Variants in PCDH15 observed in about 807,000 individuals in gnomAD.
PCDH15 encodes protocadherin-15.
In PCDH15, 129 loss-of-function variants were observed where a neutral mutation model predicts 178.5. The observed-to-expected ratio is 0.72, with a 90% CI of 0.63 to 0.84. The LOEUF is 0.84. PCDH15 is among the 40% of genes least tolerant of loss of function. The pLI, the probability that PCDH15 is intolerant of heterozygous loss-of-function variation, is 0.00. For missense variants in PCDH15, 2,230 were observed against 2,099.9 expected (o/e 1.06, Z -1.21); for synonymous variants, 800 against 732.0 (o/e 1.09, Z -1.50).
At chr10:55,563,591 C>A (rs1267568112) in intron 2 of PCDH15, among the ~76,000 whole-genome samples, 1 of 151,126 alleles carries the variant, frequency 6.6e-6, no homozygotes. Context: ...GAGGCACACA[C>A]AGGAACAAGA....
Position 54,220,130 on chromosome 10 carries a change from GA to G in PCDH15, c.986-6083del, listed in dbSNP as rs532138733. On this transcript the variant is annotated intron_variant, in intron 9 of 37. Coordinates refer to ENST00000644397, the MANE Select transcript of PCDH15 (RefSeq NM_001384140.1). ...AATGGAGCAGGGCTCCTGGAAGAAT[GA>G]ACCCAAAATGGTGAAGATAATTGAA... 3.2e-4 allele frequency among the ~76,000 whole-genome samples: 48 copies of G among 152,302 alleles called. 1 individual carries two copies. The South Asian group carries it at 8.7e-3, about 28-fold the overall frequency.
intron 1 of PCDH15, among the ~76,000 whole-genome samples, chr10:54,710,303 T>G (rs1328505908): frequency 6.6e-6 from 1 of 152,162 alleles, no homozygotes; most frequent in Admixed American, 6.6e-5. Context: ...TTACAAACAC[T>G]GAGAAATCAA....
At chr10:55,471,207 G>A (rs148941879) in intron 2 of PCDH15, among the ~76,000 whole-genome samples, 2 of 152,016 alleles carry the variant, frequency 1.3e-5, no homozygotes, top group Non-Finnish European at 2.9e-5. Context: ...TTCCCCTAAA[G>A]TTTCTTGACT....
intron 2 of PCDH15, among the ~76,000 whole-genome samples, chr10:54,911,510 G>A (rs1054058227): frequency 1.3e-5 from 2 of 152,124 alleles, no homozygotes; most frequent in African/African-American, 4.8e-5. Flanking sequence ...GATAAAAAGA[G>A]CACAGTACCT....
At chr10:54,625,642 C>G (rs2093524372) in intron 2 of PCDH15, among the ~76,000 whole-genome samples, 1 of 152,156 alleles carries the variant, frequency 6.6e-6, no homozygotes, top group Non-Finnish European at 1.5e-5. Flanking sequence ...TGAGGCTTCC[C>G]CAGCCACATG....
intron 4 of PCDH15, among the ~76,000 whole-genome samples, chr10:54,373,663 T>G (rs1210512326): frequency 6.6e-6 from 1 of 152,024 alleles, no homozygotes; most frequent in South Asian, 2.1e-4. Flanking sequence ...TTAGGATTAA[T>G]ATGACTTAGT....
intron 1 of PCDH15, among the ~76,000 whole-genome samples, chr10:54,758,541 T>C (rs1347742688): frequency 6.6e-6 from 1 of 152,226 alleles, no homozygotes; most frequent in Non-Finnish European, 1.5e-5. Context: ...AGCCTCTATA[T>C]ACACAATATG....
chr10:55,101,161 C>A (rs1248255461), intron 2 of PCDH15, among the ~76,000 whole-genome samples: 3 of 151,932 alleles, frequency 2.0e-5, no homozygotes, highest in Non-Finnish European at 4.4e-5. Flanking sequence ...AGCGGATCAC[C>A]TGAGGTCAGG....
intron 26 of PCDH15, among the ~76,000 whole-genome samples, chr10:53,889,636 A>T (rs959587243): frequency 2.0e-5 from 3 of 152,146 alleles, no homozygotes; most frequent in African/African-American, 7.2e-5. Context: ...AAACAGTTTG[A>T]TATTATCTAT....
intron 2 of PCDH15, among the ~76,000 whole-genome samples, chr10:55,098,662 G>A (rs1842500745): frequency 6.6e-6 from 1 of 152,038 alleles, no homozygotes; most frequent in Non-Finnish European, 1.5e-5. Context: ...TTAGGGTGGG[G>A]TGACCAGCCT....
chr10:53,920,773 A>AT (rs565322435), intron 25 of PCDH15, among the ~76,000 whole-genome samples: 181 of 152,090 alleles, frequency 1.2e-3, no homozygotes, highest in African/African-American at 3.8e-3. Flanking sequence ...TAAAGCATAC[A>AT]TTTTTTTTCC....
chr10:55,003,788 C>A (rs1212263539), intron 2 of PCDH15, among the ~76,000 whole-genome samples: 1 of 152,134 alleles, frequency 6.6e-6, no homozygotes, highest in Non-Finnish European at 1.5e-5. Flanking sequence ...GAAGGATTGG[C>A]CTCATACCTT....
At chr10:54,925,826 G>C (rs1292464604) in intron 2 of PCDH15, among the ~76,000 whole-genome samples, 1 of 152,064 alleles carries the variant, frequency 6.6e-6, no homozygotes, top group East Asian at 1.9e-4. Context: ...TTGTTTATTA[G>C]CTTAAGAAAC....
intron 23 of PCDH15, among the ~76,000 whole-genome samples, chr10:53,952,765 C>T (rs376647517): frequency 9.8e-5 from 15 of 152,362 alleles, no homozygotes; most frequent in African/African-American, 3.1e-4. Flanking sequence ...CCCAGCCCCA[C>T]CTTGGCTTCT....
chr10:54,927,626 G>GGTAC (rs1837665513), intron 2 of PCDH15, among the ~76,000 whole-genome samples: 2 of 151,928 alleles, frequency 1.3e-5, no homozygotes, highest in Non-Finnish European at 2.9e-5. Context: ...TCCTGTATTG[G>GGTAC]GTACATATAT....
intron 2 of PCDH15, among the ~76,000 whole-genome samples, chr10:55,125,028 A>G (rs1837861718): frequency 6.6e-6 from 1 of 152,124 alleles, no homozygotes; most frequent in Admixed American, 6.6e-5. Flanking sequence ...TAACAACTTA[A>G]AGGCCCTAAA....
In PCDH15 at chr10:55,416,886, A is replaced by G. The variant is rs192898862; in HGVS notation, c.-156+210739T>C. The stretch of plus-strand genomic sequence containing the variant: ...TCTGAGATCTTAATTTGTGAGTTTA[A>G]TAATGCCCTCTTGGATAAATAAAAA... On this transcript the variant is annotated intron_variant, in intron 2 of 5. Coordinates refer to the PCDH15 transcript ENST00000613346. Among the ~76,000 whole-genome samples, 11 of 151,918 alleles carry G rather than the reference A, an allele frequency of 7.2e-5. No individual in the cohort carries two copies. In the East Asian group the frequency reaches 1.5e-3, roughly 21 times the overall value.
chr10:55,082,169 T>C (rs142805872), intron 2 of PCDH15, among the ~76,000 whole-genome samples: 100 of 152,246 alleles, frequency 6.6e-4, no homozygotes, highest in African/African-American at 2.2e-3. Flanking sequence ...ATAGACAATA[T>C]GGTAAACTAC....
At chr10:54,332,728 C>G (rs1377198840) in intron 6 of PCDH15, among the ~76,000 whole-genome samples, 3 of 151,924 alleles carry the variant, frequency 2.0e-5, no homozygotes, top group Admixed American at 6.6e-5. Flanking sequence ...CCTTAAATGT[C>G]TAGCTAAGCA....
Sources: allele counts gnomAD v4.1 joint callset (sites outside exome capture counted in the v4.1 genomes callset), GRCh38; gene constraint gnomAD v4.1.1; transcripts MANE v1.5; gene names NCBI Gene and HGNC (gene_info 2026-07-23, HGNC 2026-07-21).